Variants in RPH3AL observed in about 807,000 individuals in gnomAD.
RPH3AL encodes the protein rabphilin 3A like (without C2 domains).
A neutral mutation model predicts 43.1 loss-of-function variants in RPH3AL; 38 were observed. The ratio of observed to expected loss-of-function variants is 0.88; its 90% confidence interval spans 0.68 to 1.15. The LOEUF is 1.15. Ranked by LOEUF, RPH3AL falls within the 50% of genes most tolerant of loss-of-function variation. The probability of loss-of-function intolerance (pLI) is 0.00; values close to 1 mark genes in which losing one functional copy is unlikely to be tolerated. For synonymous variants in RPH3AL, 189 were observed against 176.3 expected (o/e 1.07, Z -0.57); for missense variants, 462 against 423.2 (o/e 1.09, Z -0.81).
Position 230,919 on chromosome 17 carries a change from C to T in RPH3AL, c.614-11183G>A, listed in dbSNP as rs560319796. On this transcript the variant is annotated intron_variant, in intron 7 of 9. Transcript: ENST00000331302. Reference sequence around the variant, plus strand: ...CAGGTTGGTCTCGAACTCCTGGGCTCCAGGGATCCACCCGCCTTGGCCTCC... The same window carrying T: ...CAGGTTGGTCTCGAACTCCTGGGCTTCAGGGATCCACCCGCCTTGGCCTCC... Among the ~76,000 whole-genome samples the T allele has an allele frequency of 9.7e-4, 147 of 152,286 alleles. 1 individual carries two copies. Among genetic ancestry groups the T allele is most frequent in the African/African-American group, 3.4e-3 (140 of 41,558 alleles).
In RPH3AL at chr17:219,663, C is replaced by A. The variant is rs773736483; in HGVS notation, c.687G>T (p.Gly229=). 8 of 1,613,436 alleles carry A rather than the reference C, an allele frequency of 5.0e-6. No homozygotes were observed. The highest frequency in any genetic ancestry group is 4.2e-6 in the Non-Finnish European group (5 of 1,179,864). The change falls in exon 8 of 10, where the codon GGG becomes GGT. Residue 229 remains glycine (G), a synonymous_variant. Transcript: ENST00000331302. ...SSLEDRLPST[G]VRDRKGDKPW... ...GTTTGTCGCCTTTCCGGTCCCTGAC[C>A]CCAGTGGATGGGAGTCTGTCCTCTA...
rs570893022 is a variant in RPH3AL at position 220,262 on chromosome 17, A to G, written c.614-526T>C. Among the ~76,000 whole-genome samples, 20 of 151,490 alleles carry G rather than the reference A, an allele frequency of 1.3e-4. 1 individual carries two copies. The South Asian group carries it at 2.5e-3, about 19-fold the overall frequency. ...TGAGGCCTCCACTCACTGAGACAAT[A>G]GACCCAAGAACAACAGCTCTGAGGG... is the stretch of plus-strand genomic sequence containing the variant. On this transcript the variant is annotated intron_variant, in intron 7 of 9. Transcript: ENST00000331302.
chr17:320,282 C>T (rs372103676), intron 4 of RPH3AL, among the ~76,000 whole-genome samples: 18 of 150,184 alleles, frequency 1.2e-4, no homozygotes, highest in African/African-American at 3.3e-4. Context: ...CGAAGGCTCT[C>T]GGAGAACACG....
intron 5 of RPH3AL, among the ~76,000 whole-genome samples, chr17:313,278 T>G (rs1030568005): frequency 2.0e-5 from 3 of 152,124 alleles, no homozygotes; most frequent in African/African-American, 7.2e-5. Flanking sequence ...GGTCGTCTCT[T>G]AAAAACACAG....
intron 5 of RPH3AL, among the ~76,000 whole-genome samples, chr17:285,492 C>T (rs937837216): frequency 5.3e-5 from 8 of 152,094 alleles, no homozygotes; most frequent in Non-Finnish European, 1.0e-4. Flanking sequence ...TGCAGCCCCT[C>T]GTACCGTGTT....
rs2044544815 is a variant in RPH3AL at position 323,812 on chromosome 17, TCCATCACCCCGC to T, written c.78-2409_78-2398del. ...GTCACCCCGAGGCAGGCCCGGACCC[TCCATCACCCCGC>T]GAGACAGTCCAGACCCTCAGTCACC... On this transcript the variant is annotated intron_variant, in intron 3 of 9. Coordinates refer to ENST00000331302, the MANE Select transcript of RPH3AL (RefSeq NM_006987.4). This position sits in a 1 kb window ranked among gnomAD's most constrained non-coding sequence, Gnocchi z 4.4. Among the ~76,000 whole-genome samples the T allele has an allele frequency of 6.6e-6, 1 of 151,318 alleles. No individual in the cohort carries two copies. The highest frequency in any genetic ancestry group is 2.4e-5 in the African/African-American group (1 of 41,106).
chr17:309,715 G>A (rs2043596751), intron 5 of RPH3AL, among the ~76,000 whole-genome samples: 1 of 138,894 alleles, frequency 7.2e-6, no homozygotes, highest in African/African-American at 3.3e-5. Flanking sequence ...CCAGCCTCCT[G>A]CTGGGGGTCC....
chr17:240,727 T>G (rs780054484), intron 7 of RPH3AL, among the ~76,000 whole-genome samples: 1 of 152,218 alleles, frequency 6.6e-6, no homozygotes, highest in Non-Finnish European at 1.5e-5. Context: ...TTTTTGGTTA[T>G]AATACTTCTG....
intron 6 of RPH3AL, among the ~76,000 whole-genome samples, chr17:251,553 G>A (rs2041901700): frequency 6.6e-6 from 1 of 152,234 alleles, no homozygotes; most frequent in African/African-American, 2.4e-5. Context: ...CAGTTGAGTG[G>A]TGAATAAATC....
chr17:310,552 C>T lies in RPH3AL; in HGVS notation c.351+8868G>A, dbSNP rs531678532. Among the ~76,000 whole-genome samples, 8 of 152,234 alleles carry T rather than the reference C, an allele frequency of 5.3e-5. No individual in the cohort carries two copies. In the East Asian group the frequency reaches 9.7e-4, roughly 18 times the overall value. On this transcript the variant is annotated intron_variant, in intron 5 of 9. Coordinates refer to ENST00000331302, the MANE Select transcript of RPH3AL (RefSeq NM_006987.4). ...CAGCCATCCGCAGAAGGTGAGGAGGCGGAATGTGGAGATGGAGATAAACAG... is the reference window on the plus strand; with the variant it reads ...CAGCCATCCGCAGAAGGTGAGGAGGTGGAATGTGGAGATGGAGATAAACAG...
At position 245,187 on chromosome 17, in the gene RPH3AL, C is replaced by CTG. The variant is rs374548726; in HGVS notation, c.613+1922_613+1923dup. ...GATGTGTCTGTGTGTACGTGGATGT[C>CTG]TGTGTGTGTGGATGTGAGCGTGTGT... On this transcript the variant is annotated intron_variant, in intron 7 of 9. Transcript: ENST00000331302. This position sits in a 1 kb window ranked among gnomAD's most constrained non-coding sequence, Gnocchi z 5.9. Among the ~76,000 whole-genome samples the CTG allele has an allele frequency of 6.2e-4, 83 of 132,916 alleles. No individual in the cohort carries two copies. In the South Asian group the frequency reaches 0.021, roughly 33 times the overall value. 87.2% of individuals were successfully genotyped at this position (132,916 alleles called of 152,430 possible).
chr17:315,208 CACCTG>C (rs2043930343), intron 5 of RPH3AL, among the ~76,000 whole-genome samples: 6 of 7,372 alleles, frequency 8.1e-4, no homozygotes, highest in Admixed American at 6.1e-3. Flanking sequence ...CACCTCCATT[CACCTG>C]TAGTCTCTGT....
rs935224948 is a variant in RPH3AL at position 245,109 on chromosome 17, A to G, written c.613+2002T>C. 6.7e-6 allele frequency among the ~76,000 whole-genome samples: 1 copy of G among 149,850 alleles called. No individual in the cohort carries two copies. Among genetic ancestry groups the G allele is most frequent in the Non-Finnish European group, 1.5e-5 (1 of 67,620 alleles). ...CAAGTGTGTGTAGACGTGTGTGTAC[A>G]TGTGGATGTGTGTGTGGATGTGTGT... On this transcript the variant is annotated intron_variant, in intron 7 of 9. Transcript: ENST00000331302. The surrounding 1 kb of genome is among the most constrained non-coding windows in gnomAD (Gnocchi z 5.9).
At chr17:315,400 A>G (rs2043961280) in intron 5 of RPH3AL, among the ~76,000 whole-genome samples, 1 of 150,582 alleles carries the variant, frequency 6.6e-6, no homozygotes, top group Non-Finnish European at 1.5e-5. Flanking sequence ...ATTGACCTGT[A>G]GTCCCTGTGC....
chr17:266,094 G>GA (rs2042312974), intron 6 of RPH3AL, among the ~76,000 whole-genome samples: 1 of 152,238 alleles, frequency 6.6e-6, no homozygotes. Context: ...AATCCCTTCT[G>GA]AAGTGCTAAC....
intron 8 of RPH3AL, among the ~76,000 whole-genome samples, chr17:218,218 C>G (rs2040858787): frequency 7.0e-6 from 1 of 143,016 alleles, no homozygotes; most frequent in Non-Finnish European, 1.5e-5. Flanking sequence ...TCACTGAAAT[C>G]AGGACCCCCA....
chr17:243,358 C>T (rs1157188191), intron 7 of RPH3AL, among the ~76,000 whole-genome samples: 5 of 143,054 alleles, frequency 3.5e-5, no homozygotes, highest in African/African-American at 1.3e-4. Context: ...GATTACCCTT[C>T]CTCTATTGAT....
At chr17:262,360 C>CGTG (rs1555546530) in intron 6 of RPH3AL, among the ~76,000 whole-genome samples, 13 of 152,090 alleles carry the variant, frequency 8.5e-5, no homozygotes, top group African/African-American at 2.9e-4. Flanking sequence ...GGATTACAGG[C>CGTG]ACCCGCCACC....
chr17:219,526 CTTTT>C (rs375837087), intron 8 of RPH3AL, 93 bp downstream of exon 8: 86 of 144,688 alleles, frequency 5.9e-4, no homozygotes, highest in East Asian at 2.8e-3. Context: ...CTTTTTCTTC[CTTTT>C]TTTTTTTTTT....
Sources: allele counts gnomAD v4.1 joint callset (sites outside exome capture counted in the v4.1 genomes callset), GRCh38; gene constraint gnomAD v4.1.1; non-coding constraint Gnocchi (gnomAD v3.1); transcripts MANE v1.5; gene names NCBI Gene and HGNC (gene_info 2026-07-23, HGNC 2026-07-21).